The following OPCML variants were observed in gnomAD, a reference collection of about 807,000 sequenced individuals.
The protein encoded by OPCML is opioid-binding protein/cell adhesion molecule.
In OPCML, 13 loss-of-function variants were observed where a neutral mutation model predicts 37.8. The observed-to-expected ratio is 0.34, with a 90% CI of 0.22 to 0.55. The LOEUF (loss-of-function observed/expected upper bound fraction) is 0.55. Ranked by LOEUF, OPCML falls within the 20% of genes least tolerant of loss-of-function variation. The probability of loss-of-function intolerance (pLI) is 0.91; values close to 1 mark genes in which losing one functional copy is unlikely to be tolerated. For synonymous variants in OPCML, 176 were observed against 168.8 expected, an observed-to-expected ratio of 1.04 and a Z score of -0.33; for missense variants, 341 against 435.6, an observed-to-expected ratio of 0.78 and a Z score of 1.93.
intron 1 of OPCML, among the ~76,000 whole-genome samples, chr11:133,223,227 G>T (rs144796667): frequency 6.6e-6 from 1 of 152,198 alleles, no homozygotes; most frequent in Non-Finnish European, 1.5e-5. Flanking sequence ...AATGATTTCA[G>T]ATTTGGAAAT....
chr11:133,332,582 T>C (rs1163356416), intron 1 of OPCML, among the ~76,000 whole-genome samples: 1 of 152,210 alleles, frequency 6.6e-6, no homozygotes, highest in Non-Finnish European at 1.5e-5. Flanking sequence ...TGTGGGTATG[T>C]CATAGATGGC....
At chr11:132,578,888 T>C (rs887284715) in intron 3 of OPCML, among the ~76,000 whole-genome samples, 23 of 152,264 alleles carry the variant, frequency 1.5e-4, no homozygotes, top group Non-Finnish European at 2.9e-5. Flanking sequence ...ACTTGGGTTT[T>C]ACCCTCTGGA....
At position 132,596,094 on chromosome 11, in the gene OPCML, T is replaced by C. The variant is rs1054983130; in HGVS notation, c.379+60993A>G. Among the ~76,000 whole-genome samples the C allele has an allele frequency of 1.5e-4, 23 of 152,300 alleles. No individual in the cohort carries two copies. The East Asian group carries it at 3.9e-3, about 26-fold the overall frequency. ...AGCAAGCAATTCAACCTCCCAGAGA[T>C]TGGATTTTCACATACATGACATAAT... On this transcript the variant is annotated intron_variant, in intron 3 of 7. Coordinates refer to ENST00000524381, the MANE Select transcript of OPCML (RefSeq NM_001012393.5).
chr11:133,090,409 A>G (rs1948888714), intron 1 of OPCML, among the ~76,000 whole-genome samples: 1 of 152,220 alleles, frequency 6.6e-6, no homozygotes, highest in Non-Finnish European at 1.5e-5. Flanking sequence ...GGCACAGAAG[A>G]AAAGAGCTTT....
intron 1 of OPCML, among the ~76,000 whole-genome samples, chr11:133,214,712 T>C (rs1313680030): frequency 6.6e-6 from 1 of 152,192 alleles, no homozygotes; most frequent in Admixed American, 6.5e-5. Context: ...TCATCATCAG[T>C]TTAAGAGATT....
chr11:132,571,025 T>C lies in OPCML; in HGVS notation c.380-41839A>G, dbSNP rs181139857. ...GGGAGAGGAAGACACATCTTCAATG[T>C]GGGTGGGCACCATCCATTCGGCTGC... On this transcript the variant is annotated intron_variant, in intron 3 of 7. Transcript: ENST00000524381. Among the ~76,000 whole-genome samples the C allele has an allele frequency of 4.3e-3, 654 of 151,890 alleles. 3 individuals are homozygous for C. The highest frequency in any genetic ancestry group is 8.1e-3 in the South Asian group (39 of 4,814).
chr11:132,719,674 G>A (rs1227097120), intron 2 of OPCML, among the ~76,000 whole-genome samples: 1 of 152,112 alleles, frequency 6.6e-6, no homozygotes, highest in Non-Finnish European at 1.5e-5. Context: ...GAAGAGATAG[G>A]GAGAGAGGCA....
At chr11:133,080,470 A>C (rs1948694815) in intron 1 of OPCML, among the ~76,000 whole-genome samples, 2 of 134,510 alleles carry the variant, frequency 1.5e-5, no homozygotes, top group African/African-American at 5.7e-5. Context: ...TTTGGTAATC[A>C]AATGTTTTTT....
intron 1 of OPCML, among the ~76,000 whole-genome samples, chr11:133,322,815 C>G (rs560274748): frequency 6.6e-6 from 1 of 152,342 alleles, no homozygotes; most frequent in Non-Finnish European, 1.5e-5. Flanking sequence ...CATCTCCCCA[C>G]CTACCCTGCT....
At chr11:133,484,273 A>G (rs902970491) in intron 1 of OPCML, among the ~76,000 whole-genome samples, 1 of 152,146 alleles carries the variant, frequency 6.6e-6, no homozygotes, top group African/African-American at 2.4e-5. Context: ...GGGGATATCA[A>G]AGAATAACTC....
intron 1 of OPCML, among the ~76,000 whole-genome samples, chr11:132,954,893 A>G (rs1373806411): frequency 6.6e-6 from 1 of 152,192 alleles, no homozygotes; most frequent in Admixed American, 6.5e-5. Flanking sequence ...GTGCCCACAC[A>G]GAAATCAGGG....
intron 3 of OPCML, among the ~76,000 whole-genome samples, chr11:132,641,448 G>T (rs781108157): frequency 1.3e-5 from 2 of 152,158 alleles, no homozygotes; most frequent in Non-Finnish European, 2.9e-5. Flanking sequence ...TTCAAAGTGA[G>T]TTTCCTTTGA....
chr11:132,570,838 T>C (rs2137564955), intron 3 of OPCML, among the ~76,000 whole-genome samples: 1 of 133,732 alleles, frequency 7.5e-6, no homozygotes, highest in South Asian at 2.5e-4. Flanking sequence ...ACTTTAGGCA[T>C]GTTGATCAAT....
At chr11:132,977,210 TG>T (rs1222635345) in intron 1 of OPCML, among the ~76,000 whole-genome samples, 5 of 152,244 alleles carry the variant, frequency 3.3e-5, no homozygotes, top group African/African-American at 1.2e-4. Context: ...TAGATATTTT[TG>T]TTTATGAAGA....
intron 1 of OPCML, among the ~76,000 whole-genome samples, chr11:132,981,449 A>T (rs1158843797): frequency 2.6e-5 from 4 of 152,098 alleles, no homozygotes. Flanking sequence ...GCCTGAGAGG[A>T]GGTTTTGGGA....
At chr11:132,728,448 G>A (rs988800255) in intron 2 of OPCML, among the ~76,000 whole-genome samples, 4 of 152,110 alleles carry the variant, frequency 2.6e-5, no homozygotes, top group Non-Finnish European at 5.9e-5. Flanking sequence ...ATAGCAGAGG[G>A]GCCAGCCAGA....
intron 2 of OPCML, among the ~76,000 whole-genome samples, chr11:132,747,032 T>C (rs996993596): frequency 5.3e-5 from 8 of 152,174 alleles, no homozygotes; most frequent in Non-Finnish European, 1.0e-4. Context: ...TCAAATGAGA[T>C]GATGTGAGCA....
At chr11:132,811,425 C>T (rs967292724) in intron 2 of OPCML, among the ~76,000 whole-genome samples, 1 of 151,774 alleles carries the variant, frequency 6.6e-6, no homozygotes, top group African/African-American at 2.4e-5. Context: ...CTGATCTAGA[C>T]CCCCTCAGAT....
intron 2 of OPCML, among the ~76,000 whole-genome samples, chr11:132,923,463 G>A (rs1053704783): frequency 2.0e-5 from 3 of 152,174 alleles, no homozygotes; most frequent in Admixed American, 1.3e-4. Context: ...TAACAAATTG[G>A]AAGTAGCATT....
Sources: allele counts gnomAD v4.1 joint callset (sites outside exome capture counted in the v4.1 genomes callset), GRCh38; gene constraint gnomAD v4.1.1; transcripts MANE v1.5; gene names NCBI Gene and HGNC (gene_info 2026-07-23, HGNC 2026-07-21).